Variants in KIAA1958 observed in about 807,000 individuals in gnomAD.
The protein encoded by KIAA1958 is KIAA1958.
KIAA1958 carries 14 observed loss-of-function variants against 47.2 expected under a neutral mutation model. The observed-to-expected ratio is 0.30, with a 90% CI of 0.20 to 0.46. The LOEUF (loss-of-function observed/expected upper bound fraction) is 0.46, where lower values mean the gene tolerates loss of function less well. Ranked by LOEUF, KIAA1958 falls within the 20% of genes least tolerant of loss-of-function variation. The probability of loss-of-function intolerance (pLI) is 1.00; values close to 1 mark genes in which losing one functional copy is unlikely to be tolerated. For synonymous variants in KIAA1958, 354 were observed against 353.3 expected (o/e 1.00, Z -0.02); for missense variants, 803 against 909.2 (o/e 0.88, Z 1.50).
intron 2 of KIAA1958, among the ~76,000 whole-genome samples, chr9:112,576,341 T>A (rs1835645282): frequency 6.6e-6 from 1 of 152,228 alleles, no homozygotes; most frequent in Non-Finnish European, 1.5e-5. Context: ...TATCTTTTTT[T>A]AAATAATAGT....
At chr9:112,606,382 A>AT (rs1564188709) in intron 2 of KIAA1958, among the ~76,000 whole-genome samples, 1 of 152,154 alleles carries the variant, frequency 6.6e-6, no homozygotes, top group African/African-American at 2.4e-5. Flanking sequence ...AGAAAAAAAA[A>AT]TTTGTACTTG....
intron 3 of KIAA1958, among the ~76,000 whole-genome samples, chr9:112,650,398 A>G (rs562325284): frequency 2.0e-5 from 3 of 152,324 alleles, no homozygotes; most frequent in African/African-American, 7.2e-5. Flanking sequence ...TATGGAGGAA[A>G]AAATGCATAC....
At chr9:112,603,956 GA>G (rs1836180046) in intron 2 of KIAA1958, among the ~76,000 whole-genome samples, 1 of 152,082 alleles carries the variant, frequency 6.6e-6, no homozygotes, top group African/African-American at 2.4e-5. Context: ...TTTATCAAGT[GA>G]AAAATGAGAC....
intron 1 of KIAA1958, among the ~76,000 whole-genome samples, chr9:112,570,441 A>G (rs779717111): frequency 1.6e-4 from 25 of 152,248 alleles, no homozygotes; most frequent in Non-Finnish European, 3.4e-4. Context: ...TGTGGTCTAC[A>G]GATTTTGTAA....
chr9:112,525,117 T>G (rs376469894), intron 1 of KIAA1958, among the ~76,000 whole-genome samples: 117 of 152,356 alleles, frequency 7.7e-4, no homozygotes, highest in African/African-American at 2.6e-3. Context: ...TGTATAGACT[T>G]GCCATGTGTT....
intron 1 of KIAA1958, among the ~76,000 whole-genome samples, chr9:112,558,192 T>C (rs2131156305): frequency 6.6e-6 from 1 of 151,152 alleles, no homozygotes; most frequent in African/African-American, 2.4e-5. Context: ...GCCACTGCAC[T>C]CCAGCCTGGA....
chr9:112,603,643 A>G (rs1252546381), intron 2 of KIAA1958, among the ~76,000 whole-genome samples: 1 of 152,230 alleles, frequency 6.6e-6, no homozygotes, highest in Non-Finnish European at 1.5e-5. Context: ...ATAATTGCAC[A>G]GTGCCATGTG....
chr9:112,605,863 C>T (rs1460547190), intron 2 of KIAA1958, among the ~76,000 whole-genome samples: 1 of 152,206 alleles, frequency 6.6e-6, no homozygotes, highest in Non-Finnish European at 1.5e-5. Flanking sequence ...AATATCCATC[C>T]TTAAATGTGT....
rs1181598043 is a variant in KIAA1958, at chr9:112,659,248, T to C, written c.1345-15T>C. On this transcript the variant is annotated splice_polypyrimidine_tract_variant and intron_variant, in intron 3 of 3. Coordinates refer to ENST00000337530, the MANE Select transcript of KIAA1958 (RefSeq NM_133465.4). The stretch of plus-strand genomic sequence containing the variant: ...GAGTGTCAAGTGTGTAACCTCCGTG[T>C]TTGTCTCATTTGAGATCCCTGCAGT... 4.4e-6 allele frequency: 7 copies of C among 1,600,974 alleles called. No homozygotes were observed. Among genetic ancestry groups the C allele is most frequent in the Non-Finnish European group, 3.4e-6 (4 of 1,172,742 alleles).
chr9:112,560,800 G>GT (rs1835314149), intron 1 of KIAA1958, among the ~76,000 whole-genome samples: 1 of 152,234 alleles, frequency 6.6e-6, no homozygotes, highest in African/African-American at 2.4e-5. Context: ...TTGCAAGGTA[G>GT]TTGCTAAGGG....
intron 3 of KIAA1958, among the ~76,000 whole-genome samples, chr9:112,656,202 GT>G (rs1032333798): frequency 2.0e-5 from 3 of 151,764 alleles, no homozygotes; most frequent in African/African-American, 7.3e-5. Context: ...GTGAAACCCC[GT>G]TTCTACTAAA....
intron 1 of KIAA1958, among the ~76,000 whole-genome samples, chr9:112,504,523 A>T (rs770653896): frequency 7.9e-4 from 121 of 152,238 alleles, no homozygotes; most frequent in Middle Eastern, 3.4e-3. Context: ...TATTTTACAG[A>T]TGGGGAAATG....
intron 2 of KIAA1958, among the ~76,000 whole-genome samples, chr9:112,616,008 T>C (rs932361863): frequency 6.6e-6 from 1 of 152,252 alleles, no homozygotes; most frequent in Non-Finnish European, 1.5e-5. Context: ...AGAAGACTGC[T>C]GTGATAGATA....
intron 2 of KIAA1958, among the ~76,000 whole-genome samples, chr9:112,603,776 G>T (rs1331409177): frequency 2.6e-5 from 4 of 152,112 alleles, no homozygotes; most frequent in Non-Finnish European, 5.9e-5. Flanking sequence ...GGGCACAGTG[G>T]GTACTCACAA....
intron 1 of KIAA1958, among the ~76,000 whole-genome samples, chr9:112,568,117 A>G (rs907489756): frequency 1.3e-5 from 2 of 152,192 alleles, no homozygotes. Context: ...AAAATAGGCA[A>G]TATTAGCATA....
At chr9:112,492,411 C>A (rs1564147228) in intron 1 of KIAA1958, among the ~76,000 whole-genome samples, 1 of 152,186 alleles carries the variant, frequency 6.6e-6, no homozygotes, top group African/African-American at 2.4e-5. Context: ...CTATTCCAGG[C>A]CTTACTTCCC....
intron 2 of KIAA1958, among the ~76,000 whole-genome samples, chr9:112,601,621 A>G (rs77234745): frequency 0.02 from 3,070 of 152,268 alleles, 44 homozygotes; most frequent in Non-Finnish European, 0.032. Context: ...ACCTTGCAGC[A>G]CGCACAGTGC....
intron 1 of KIAA1958, among the ~76,000 whole-genome samples, chr9:112,537,652 A>T (rs989848879): frequency 6.6e-6 from 1 of 152,228 alleles, no homozygotes; most frequent in Non-Finnish European, 1.5e-5. Context: ...TGCAAGGTTG[A>T]CAAAGATATG....
At chr9:112,635,717 A>C (rs1307726466) in intron 2 of KIAA1958, among the ~76,000 whole-genome samples, 10 of 152,148 alleles carry the variant, frequency 6.6e-5, no homozygotes, top group Non-Finnish European at 1.3e-4. Flanking sequence ...TATTTGTAGG[A>C]TCTATAGTGA....
Sources: gnomAD v4.1 joint callset for allele counts (sites outside exome capture counted in the v4.1 genomes callset) on GRCh38, gnomAD v4.1.1 for gene constraint, MANE v1.5 for transcripts, NCBI Gene and HGNC (gene_info 2026-07-23, HGNC 2026-07-21) for gene names.